Variants in NF2 observed in about 807,000 individuals in gnomAD.
NF2 encodes merlin.
In NF2, 8 loss-of-function variants were observed where a neutral mutation model predicts 83.7. That is an observed-to-expected ratio of 0.10 (90% CI 0.06 to 0.17). NF2 has a LOEUF of 0.17. NF2 is among the 10% of genes least tolerant of loss of function. The pLI, the probability that NF2 is intolerant of heterozygous loss-of-function variation, is 1.00. For synonymous variants in NF2, 266 were observed against 269.6 expected (o/e 0.99, Z 0.13); for missense variants, 533 against 744.4 (o/e 0.72, Z 3.31).
At chr22:29,614,811 G>A (rs913416001) in intron 1 of NF2, among the ~76,000 whole-genome samples, 1 of 152,088 alleles carries the variant, frequency 6.6e-6, no homozygotes, top group African/African-American at 2.4e-5. Context: ...ACTTTAGGAT[G>A]TTGAGGTGGA....
At chr22:29,674,413 G>A (rs58948604) in intron 12 of NF2, among the ~76,000 whole-genome samples, 7 of 152,218 alleles carry the variant, frequency 4.6e-5, no homozygotes, top group African/African-American at 1.2e-4. Context: ...TGTTTTATCC[G>A]GGGGCTGTGA....
At chr22:29,654,575 G>A in intron 4 of NF2, 82 bp from the exon 5 acceptor site, 6 of 1,144,432 alleles carry the variant, frequency 5.2e-6, no homozygotes, top group South Asian at 1.2e-5. Context: ...AGCTGGGAGG[G>A]AATGAGATTG....
rs202225081 is a variant in NF2 at position 29,639,231 on chromosome 22, C to T, written c.363+19C>T. 1.2e-6 allele frequency: 2 copies of T among 1,613,290 alleles called. No individual in the cohort carries two copies. The highest frequency in any genetic ancestry group is 1.3e-5 in the African/African-American group (1 of 75,002). On this transcript the variant is annotated intron_variant, in intron 3 of 15. Transcript: ENST00000338641. ...CTTACAGGTACATCAGTCAAGGCTA[C>T]CCCCCAGTTCTGAGAGAACTTGCCC...
intron 1 of NF2, among the ~76,000 whole-genome samples, chr22:29,605,977 G>A (rs1044764207): frequency 6.6e-5 from 10 of 151,918 alleles, no homozygotes; most frequent in Non-Finnish European, 8.8e-5. Context: ...CTTTTGAGAC[G>A]GAGTTTTGCT....
intron 1 of NF2, among the ~76,000 whole-genome samples, chr22:29,632,027 G>A (rs968777718): frequency 6.6e-6 from 1 of 152,196 alleles, no homozygotes; most frequent in Non-Finnish European, 1.5e-5. Context: ...AATGGTATTA[G>A]TGTGTTCCCT....
intron 14 of NF2, among the ~76,000 whole-genome samples, chr22:29,679,063 TCTCATTTAATTCCTG>T (rs1253616510): frequency 6.6e-6 from 1 of 152,126 alleles, no homozygotes; most frequent in Non-Finnish European, 1.5e-5. Flanking sequence ...TTGGCTTTTG[TCTCATTTAATTCCTG>T]CTAACTTACA....
chr22:29,642,104 A>G (rs1163906798), intron 3 of NF2, 98 bp from the exon 4 acceptor site: 3 of 968,530 alleles, frequency 3.1e-6, no homozygotes, highest in Non-Finnish European at 5.0e-6. Context: ...CTGCTCTGGC[A>G]GCCCTCATTA....
chr22:29,612,132 G>A (rs537627708), intron 1 of NF2, among the ~76,000 whole-genome samples: 11 of 151,864 alleles, frequency 7.2e-5, no homozygotes, highest in Non-Finnish European at 1.2e-4. Context: ...CTCAGCCTCC[G>A]GAGTAGCTGG....
rs1306000239 is a variant in NF2 at position 29,653,780 on chromosome 22, A to T, written c.448-877A>T. On this transcript the variant is annotated intron_variant, in intron 4 of 15. Coordinates refer to ENST00000338641, the MANE Select transcript of NF2 (RefSeq NM_000268.4). ...CCTTGTGCCTGACCTTTGTTTTTTC[A>T]CTGTTGGTGGCTAAAAGAATAAATG... Among the ~76,000 whole-genome samples the T allele has an allele frequency of 2.0e-5, 3 of 152,170 alleles. No individual in the cohort carries two copies. In the East Asian group the frequency reaches 5.8e-4, roughly 29 times the overall value.
intron 1 of NF2, among the ~76,000 whole-genome samples, chr22:29,605,477 C>T (rs1463855336): frequency 6.6e-6 from 1 of 152,034 alleles, no homozygotes; most frequent in Non-Finnish European, 1.5e-5. Context: ...CCCAGCCTCA[C>T]CTAGCTAATT....
intron 1 of NF2, among the ~76,000 whole-genome samples, chr22:29,616,601 G>A (rs1392023402): frequency 6.6e-6 from 1 of 152,172 alleles, no homozygotes; most frequent in East Asian, 1.9e-4. Context: ...AATTAGCTGG[G>A]CGTGATGGCA....
At chr22:29,675,963 C>T (rs976259079) in intron 13 of NF2, among the ~76,000 whole-genome samples, 6 of 152,172 alleles carry the variant, frequency 3.9e-5, no homozygotes, top group Non-Finnish European at 2.9e-5. Context: ...CCCGGTTCTC[C>T]GTTACTGTGT....
At chr22:29,665,716 G>A (rs2066601453) in intron 9 of NF2, among the ~76,000 whole-genome samples, 1 of 149,636 alleles carries the variant, frequency 6.7e-6, no homozygotes, top group Non-Finnish European at 1.5e-5. Context: ...TGTAATCCCA[G>A]CACTTTGGGT....
In NF2 at chr22:29,668,333, A is replaced by G. The variant is rs1405561483; in HGVS notation, c.886A>G (p.Ile296Val). ...NSSKLRVNKL[I>V]LQLCIGNHDL... is the part of the protein sequence containing the mutation. ...TTTTTGTCTGCTTCTGTGGCCACAGATTCTCCAGCTATGTATCGGGAACCA... is the reference window on the plus strand; with the variant it reads ...TTTTTGTCTGCTTCTGTGGCCACAGGTTCTCCAGCTATGTATCGGGAACCA... The change falls in exon 10 of 16, where the codon ATT becomes GTT. Residue 296 changes from isoleucine (I) to valine (V), a missense_variant and splice_region_variant. Ile to Val is a conservative substitution (Grantham distance 29, BLOSUM62 3). Transcript: ENST00000338641. 1.2e-6 allele frequency: 2 copies of G among 1,611,956 alleles called. No homozygotes were observed. The highest frequency in any genetic ancestry group is 1.7e-6 in the Non-Finnish European group (2 of 1,178,286).
chr22:29,692,513 C>T (rs746123480), intron 15 of NF2, among the ~76,000 whole-genome samples: 10 of 152,208 alleles, frequency 6.6e-5, no homozygotes, highest in Non-Finnish European at 1.2e-4. Context: ...CCAGCATGCT[C>T]CTCGGGTGGA....
intron 15 of NF2, chr22:29,683,417 A>G: frequency 7.8e-7 from 1 of 1,279,938 alleles, no homozygotes; most frequent in Non-Finnish European, 1.0e-6. Context: ...TACTCCTAGC[A>G]TGGAAATGGG....
intron 9 of NF2, among the ~76,000 whole-genome samples, chr22:29,665,774 A>G (rs1391413862): frequency 6.6e-6 from 1 of 151,806 alleles, no homozygotes; most frequent in Non-Finnish European, 1.5e-5. Flanking sequence ...AAAAAAAGAA[A>G]AAGAAAAAGG....
chr22:29,617,761 T>C (rs1483468110), intron 1 of NF2, among the ~76,000 whole-genome samples: 1 of 152,170 alleles, frequency 6.6e-6, no homozygotes, highest in Admixed American at 6.6e-5. Context: ...GAATTTTGTA[T>C]TAATAACAAA....
intron 4 of NF2, among the ~76,000 whole-genome samples, chr22:29,644,340 G>A (rs1210021659): frequency 1.3e-5 from 2 of 151,258 alleles, no homozygotes; most frequent in Non-Finnish European, 1.5e-5. Flanking sequence ...GGGCAGAGAC[G>A]CTCCTCACTT....
Sources: allele counts gnomAD v4.1 joint callset (sites outside exome capture counted in the v4.1 genomes callset), GRCh38; gene constraint gnomAD v4.1.1; transcripts MANE v1.5; gene names NCBI Gene and HGNC (gene_info 2026-07-23, HGNC 2026-07-21).